Variants in CDH13 observed in about 807,000 individuals in gnomAD.
The protein encoded by CDH13 is cadherin-13.
In CDH13, 24 loss-of-function variants were observed where a neutral mutation model predicts 63.8. The ratio of observed to expected loss-of-function variants is 0.38; its 90% CI spans 0.27 to 0.53. The LOEUF (loss-of-function observed/expected upper bound fraction) is 0.53, where lower values mean the gene tolerates loss of function less well. Among genes scored for constraint, CDH13 ranks in the 20% least tolerant of loss-of-function variants. The pLI, the probability that CDH13 is intolerant of heterozygous loss-of-function variation, is 0.85. For missense variants in CDH13, 1,049 were observed against 903.1 expected (o/e 1.16, Z -2.07); for synonymous variants, 503 against 355.3 (o/e 1.42, Z -4.67).
At chr16:83,113,331 C>T (rs186524559) in intron 3 of CDH13, among the ~76,000 whole-genome samples, 74 of 152,360 alleles carry the variant, frequency 4.9e-4, no homozygotes, top group South Asian at 4.6e-3. Flanking sequence ...TTATTAGACA[C>T]AATCGTGGAG....
intron 1 of CDH13, among the ~76,000 whole-genome samples, chr16:82,801,187 G>T (rs1456120396): frequency 6.6e-6 from 1 of 152,142 alleles, no homozygotes; most frequent in Non-Finnish European, 1.5e-5. Context: ...GCCCTACAGA[G>T]CCTTAGAAGG....
chr16:83,347,500 C>T (rs112431247), intron 6 of CDH13, among the ~76,000 whole-genome samples: 1 of 152,190 alleles, frequency 6.6e-6, no homozygotes, highest in Non-Finnish European at 1.5e-5. Context: ...CCGCTGAATT[C>T]ATGGTGAACA....
chr16:82,964,988 G>C (rs980860097), intron 2 of CDH13, among the ~76,000 whole-genome samples: 1 of 152,206 alleles, frequency 6.6e-6, no homozygotes, highest in Admixed American at 6.5e-5. Context: ...GAAGGAAGGT[G>C]GAAGCACCAG....
At chr16:83,665,636 T>G (rs778936182) in intron 8 of CDH13, among the ~76,000 whole-genome samples, 3 of 152,180 alleles carry the variant, frequency 2.0e-5, no homozygotes, top group Non-Finnish European at 4.4e-5. Flanking sequence ...TCCATATTAG[T>G]TCTCTGTGAA....
chr16:83,246,947 G>A (rs1384327303), intron 5 of CDH13, among the ~76,000 whole-genome samples: 4 of 152,282 alleles, frequency 2.6e-5, no homozygotes, highest in East Asian at 1.9e-4. Flanking sequence ...GTGCCTTTGC[G>A]TATCCATCTC....
intron 2 of CDH13, among the ~76,000 whole-genome samples, chr16:83,008,013 G>A (rs1347415441): frequency 6.6e-6 from 1 of 152,080 alleles, no homozygotes; most frequent in African/African-American, 2.4e-5. Flanking sequence ...TTAAGTGATT[G>A]ATGGATCATA....
At position 83,543,967 on chromosome 16, in the gene CDH13, G is replaced by C. The variant is rs531351103; in HGVS notation, c.960+57312G>C. Among the ~76,000 whole-genome samples the C allele has an allele frequency of 2.0e-5, 3 of 152,202 alleles. No individual in the cohort carries two copies. In the South Asian group the frequency reaches 6.2e-4, roughly 31 times the overall value. On this transcript the variant is annotated intron_variant, in intron 7 of 13. Transcript: ENST00000567109. ...TGTAGCCGGTAGCAGGAGTGCCAGG[G>C]AGAACACAGCTTTGTTGTTCCATAT...
intron 1 of CDH13, among the ~76,000 whole-genome samples, chr16:82,807,885 A>C (rs551624555): frequency 1.3e-4 from 20 of 152,302 alleles, no homozygotes; most frequent in African/African-American, 4.6e-4. Context: ...CACAATTCTC[A>C]AGAATATCTT....
At chr16:82,765,150 G>T (rs1045133610) in intron 1 of CDH13, among the ~76,000 whole-genome samples, 2 of 152,050 alleles carry the variant, frequency 1.3e-5, no homozygotes, top group African/African-American at 2.4e-5. Context: ...GTAGTTTATG[G>T]ATGTGTCAGA....
intron 4 of CDH13, among the ~76,000 whole-genome samples, chr16:83,127,288 C>T (rs1036386481): frequency 6.6e-6 from 1 of 152,088 alleles, no homozygotes; most frequent in Non-Finnish European, 1.5e-5. Flanking sequence ...GAAGATTTCC[C>T]CAGAAGACTG....
At chr16:83,396,308 C>T (rs1471487930) in intron 6 of CDH13, among the ~76,000 whole-genome samples, 2 of 152,098 alleles carry the variant, frequency 1.3e-5, no homozygotes, top group African/African-American at 4.8e-5. Flanking sequence ...TAGGATTGTT[C>T]AGAGTATGAT....
chr16:82,778,570 G>GAAAAAAAAAAAAAAAAAAAAA (rs11350020), intron 1 of CDH13, among the ~76,000 whole-genome samples: 1 of 85,786 alleles, frequency 1.2e-5, no homozygotes, highest in Non-Finnish European at 2.1e-5. Context: ...ATCACGACCA[G>GAAAAAAAAAAAAAAAAAAAAA]AAAAAAAAAA....
intron 10 of CDH13, among the ~76,000 whole-genome samples, chr16:83,681,541 C>G (rs1453506248): frequency 6.6e-6 from 1 of 152,150 alleles, no homozygotes; most frequent in Non-Finnish European, 1.5e-5. Flanking sequence ...GCTGGACACC[C>G]CCTTTCCCCT....
intron 1 of CDH13, among the ~76,000 whole-genome samples, chr16:82,744,009 A>C (rs2034050411): frequency 6.6e-6 from 1 of 152,226 alleles, no homozygotes; most frequent in Admixed American, 6.5e-5. Flanking sequence ...AACAAGATGG[A>C]TAAGGGATCC....
chr16:82,704,406 G>C (rs1338775715), intron 1 of CDH13, among the ~76,000 whole-genome samples: 1 of 152,314 alleles, frequency 6.6e-6, no homozygotes, highest in East Asian at 1.9e-4. Flanking sequence ...ATTTTTGGTG[G>C]ATGTTCTTCA....
chr16:83,277,834 C>G (rs897145840), intron 5 of CDH13, among the ~76,000 whole-genome samples: 2 of 151,898 alleles, frequency 1.3e-5, no homozygotes, highest in African/African-American at 2.4e-5. Flanking sequence ...ATTTGGTAAT[C>G]TTTTTAGGTT....
rs142124035 is a variant in CDH13 at position 83,369,517 on chromosome 16, C to T, written c.781+24511C>T. Among the ~76,000 whole-genome samples, 984 of 152,160 alleles carry T rather than the reference C, an allele frequency of 6.5e-3. 7 individuals are homozygous for T. The highest frequency in any genetic ancestry group is 5.4e-3 in the Non-Finnish European group (370 of 68,000). ...CACTGCAGCATCTAGCTCCAAGGCT[C>T]GGGTCATCCTCCCACCTCAGCCTCC... On this transcript the variant is annotated intron_variant, in intron 6 of 13. Transcript: ENST00000567109.
intron 1 of CDH13, among the ~76,000 whole-genome samples, chr16:82,788,638 C>T (rs1028063320): frequency 6.6e-6 from 1 of 152,166 alleles, no homozygotes; most frequent in African/African-American, 2.4e-5. Context: ...AATTACCCCT[C>T]GTTCTATCTA....
chr16:82,671,703 C>A (rs761012387), intron 1 of CDH13, among the ~76,000 whole-genome samples: 3 of 152,144 alleles, frequency 2.0e-5, no homozygotes, highest in Non-Finnish European at 4.4e-5. Context: ...TAACTTCGTG[C>A]CCAAGCTGTT....
Sources: gnomAD v4.1 joint callset for allele counts (sites outside exome capture counted in the v4.1 genomes callset) on GRCh38, gnomAD v4.1.1 for gene constraint, MANE v1.5 for transcripts, NCBI Gene and HGNC (gene_info 2026-07-23, HGNC 2026-07-21) for gene names.